GALNTL6: variants seen among roughly 807,000 people sequenced by gnomAD.
GALNTL6 encodes the protein polypeptide N-acetylgalactosaminyltransferase-like 6.
Under a neutral mutation model 73.7 loss-of-function variants are expected in GALNTL6, and 46 were observed. The observed-to-expected ratio is 0.62, with a 90% CI of 0.49 to 0.80. GALNTL6 has a LOEUF of 0.80. Among genes scored for constraint, GALNTL6 ranks in the 30% least tolerant of loss-of-function variants. GALNTL6 has a pLI of 0.00. For missense variants in GALNTL6, 604 were observed against 755.0 expected (o/e 0.80, Z 2.34); for synonymous variants, 259 against 263.7 (o/e 0.98, Z 0.17).
At position 173,021,492 on chromosome 4, in the gene GALNTL6, G is replaced by A. The variant is rs868183409; in HGVS notation, c.1505G>A (p.Trp502Ter). 3 of 1,614,100 alleles carry A rather than the reference G, an allele frequency of 1.9e-6. No individual in the cohort carries two copies. The highest frequency in any genetic ancestry group is 2.5e-6 in the Non-Finnish European group (3 of 1,180,000). The change falls in exon 12 of 13, where the codon TGG (tryptophan) becomes TAG (stop). Residue 502 changes from tryptophan (W) to a stop codon, truncating the protein, a stop_gained. Coordinates refer to ENST00000506823, the MANE Select transcript of GALNTL6 (RefSeq NM_001034845.3). LOFTEE classifies it high-confidence loss of function. ...WSHEQLFTFG[W>*]REDIRPGEPL... ...CTTTGCTAGCTTTTTACCTTTGGAT[G>A]GAGAGAAGATATTCGACCCGGTGAG...
chr4:172,725,517 A>C (rs1271220957), intron 5 of GALNTL6, among the ~76,000 whole-genome samples: 1 of 152,202 alleles, frequency 6.6e-6, no homozygotes, highest in East Asian at 1.9e-4. Flanking sequence ...TCTTTATCAA[A>C]GATAATCAAA....
At chr4:172,548,809 C>T (rs1043047384) in intron 5 of GALNTL6, among the ~76,000 whole-genome samples, 9 of 152,106 alleles carry the variant, frequency 5.9e-5, no homozygotes, top group African/African-American at 2.2e-4. Context: ...CAACAAAAAA[C>T]TGAAGATCTC....
intron 2 of GALNTL6, among the ~76,000 whole-genome samples, chr4:171,862,908 T>C (rs1013927790): frequency 2.3e-4 from 35 of 152,328 alleles, no homozygotes; most frequent in Admixed American, 2.0e-3. Flanking sequence ...GTATTGATTA[T>C]AAGTGAATAC....
chr4:172,850,723 G>A (rs1376075482), intron 7 of GALNTL6, among the ~76,000 whole-genome samples: 1 of 152,094 alleles, frequency 6.6e-6, no homozygotes, highest in Admixed American at 6.6e-5. Flanking sequence ...CTTCCTACTA[G>A]CCAGCAATAA....
intron 5 of GALNTL6, among the ~76,000 whole-genome samples, chr4:172,771,182 T>G (rs1467663793): frequency 6.6e-6 from 1 of 152,206 alleles, no homozygotes; most frequent in Non-Finnish European, 1.5e-5. Context: ...ACTACATTTC[T>G]GCAAAACCAT....
chr4:172,186,303 G>C (rs1043524720), intron 2 of GALNTL6, among the ~76,000 whole-genome samples: 1 of 152,120 alleles, frequency 6.6e-6, no homozygotes, highest in African/African-American at 2.4e-5. Flanking sequence ...GTGTTGTCAG[G>C]AATGTGGAGA....
intron 2 of GALNTL6, among the ~76,000 whole-genome samples, chr4:172,110,022 T>A (rs760871575): frequency 1.3e-5 from 2 of 152,166 alleles, no homozygotes; most frequent in Non-Finnish European, 2.9e-5. Context: ...ATTTGATCAT[T>A]GATTGGTGAG....
At chr4:172,778,005 A>C (rs1739163212) in intron 5 of GALNTL6, among the ~76,000 whole-genome samples, 1 of 152,246 alleles carries the variant, frequency 6.6e-6, no homozygotes, top group Non-Finnish European at 1.5e-5. Flanking sequence ...ATTTATTGTC[A>C]CAACAATACT....
At chr4:172,578,913 A>C (rs147585500) in intron 5 of GALNTL6, among the ~76,000 whole-genome samples, 224 of 152,308 alleles carry the variant, frequency 1.5e-3, no homozygotes, top group Non-Finnish European at 2.5e-3. Flanking sequence ...TGGTGAGTAA[A>C]GTTACCTCCT....
At chr4:172,617,264 A>C (rs1302006799) in intron 5 of GALNTL6, among the ~76,000 whole-genome samples, 1 of 151,988 alleles carries the variant, frequency 6.6e-6, no homozygotes, top group Non-Finnish European at 1.5e-5. Flanking sequence ...GTTCTTTTGT[A>C]ATAACAGCAT....
At chr4:172,526,497 G>GA (rs2110832472) in intron 5 of GALNTL6, among the ~76,000 whole-genome samples, 1 of 152,242 alleles carries the variant, frequency 6.6e-6, no homozygotes, top group African/African-American at 2.4e-5. Context: ...TCAATATTAT[G>GA]ACTTGTTTAA....
chr4:172,276,952 A>G (rs1738854159), intron 3 of GALNTL6, among the ~76,000 whole-genome samples: 1 of 152,030 alleles, frequency 6.6e-6, no homozygotes, highest in African/African-American at 2.4e-5. Flanking sequence ...ATCTTAATTG[A>G]GTTCAGCTGG....
rs534478872 is a variant in GALNTL6 at position 171,904,933 on chromosome 4, C to G, written c.138+90215C>G. Among the ~76,000 whole-genome samples the G allele has an allele frequency of 1.1e-3, 164 of 152,182 alleles. 2 individuals are homozygous for G. In the East Asian group the frequency reaches 0.028, roughly 26 times the overall value. ...AAGGAGAAATAAAATACTTTACAGA[C>G]AAGCAAATGCTGAGAGATTTTGTCA... is the stretch of plus-strand genomic sequence containing the variant. On this transcript the variant is annotated intron_variant, in intron 2 of 12. Coordinates refer to ENST00000506823, the MANE Select transcript of GALNTL6 (RefSeq NM_001034845.3).
In GALNTL6 at chr4:172,813,834, C is replaced by T. The variant is rs964673767; in HGVS notation, c.923+111C>T. The stretch of plus-strand genomic sequence containing the variant: ...CTCTAACAAAATGGAATAAAACAGG[C>T]GGCAACAATATGCAAAACATCACAG... On this transcript the variant is annotated intron_variant, in intron 7 of 12. Coordinates refer to ENST00000506823, the MANE Select transcript of GALNTL6 (RefSeq NM_001034845.3). 88 of 794,616 alleles carry T rather than the reference C, an allele frequency of 1.1e-4. No homozygotes were observed. In the East Asian group the frequency reaches 1.6e-3, roughly 15 times the overall value. 49.2% of individuals were successfully genotyped at this position (794,616 alleles called of 1,614,324 possible). A position where few individuals can be genotyped will look rare whatever the true frequency, so the allele number is the denominator to read the frequency against.
At chr4:172,081,182 G>A (rs1171974290) in intron 2 of GALNTL6, among the ~76,000 whole-genome samples, 1 of 152,150 alleles carries the variant, frequency 6.6e-6, no homozygotes, top group Non-Finnish European at 1.5e-5. Flanking sequence ...CCCTCAAAAG[G>A]GCATATAATG....
chr4:172,788,802 A>T (rs1220598826), intron 5 of GALNTL6, among the ~76,000 whole-genome samples: 1 of 152,174 alleles, frequency 6.6e-6, no homozygotes, highest in Non-Finnish European at 1.5e-5. Context: ...GGTGGTGTTC[A>T]GGGCACAGAT....
intron 5 of GALNTL6, among the ~76,000 whole-genome samples, chr4:172,430,056 G>C (rs1252316017): frequency 2.0e-5 from 3 of 151,638 alleles, no homozygotes; most frequent in African/African-American, 7.3e-5. Flanking sequence ...CGATTTTCTT[G>C]AGCAAAATAT....
intron 5 of GALNTL6, among the ~76,000 whole-genome samples, chr4:172,654,004 A>G (rs530960167): frequency 6.6e-6 from 1 of 152,346 alleles, no homozygotes; most frequent in African/African-American, 2.4e-5. Context: ...ATGTGTTAAC[A>G]AAACACACAC....
At chr4:172,431,967 A>G (rs1731474097) in intron 5 of GALNTL6, among the ~76,000 whole-genome samples, 1 of 152,160 alleles carries the variant, frequency 6.6e-6, no homozygotes, top group Non-Finnish European at 1.5e-5. Context: ...CAGTTATCCA[A>G]TAGCAGCATT....
Sources: allele counts gnomAD v4.1 joint callset (sites outside exome capture counted in the v4.1 genomes callset), GRCh38; gene constraint gnomAD v4.1.1; transcripts MANE v1.5; gene names NCBI Gene and HGNC (gene_info 2026-07-23, HGNC 2026-07-21).